The following VKORC1L1 variants were observed in gnomAD, a reference collection of about 807,000 sequenced individuals.
The protein encoded by VKORC1L1 is vitamin K epoxide reductase complex subunit 1L1.
A neutral mutation model predicts 18.9 loss-of-function variants in VKORC1L1; 2 were observed. The ratio of observed to expected loss-of-function variants is 0.11; its 90% CI spans 0.04 to 0.33. The LOEUF (loss-of-function observed/expected upper bound fraction) is 0.33. VKORC1L1 is among the 10% of genes least tolerant of loss of function. The probability of loss-of-function intolerance (pLI) is 1.00; values close to 1 mark genes in which losing one functional copy is unlikely to be tolerated. For synonymous variants in VKORC1L1, 96 were observed against 100.0 expected (o/e 0.96, Z 0.24); for missense variants, 123 against 224.1 (o/e 0.55, Z 2.88).
chr7:65,881,929 A>C (rs998373910), intron 1 of VKORC1L1, among the ~76,000 whole-genome samples: 1 of 151,708 alleles, frequency 6.6e-6, no homozygotes, highest in African/African-American at 2.4e-5. Flanking sequence ...AAAATACAAA[A>C]ATTAGCCGGG....
At chr7:65,914,390 C>T (rs1156910979) in intron 1 of VKORC1L1, among the ~76,000 whole-genome samples, 1 of 152,240 alleles carries the variant, frequency 6.6e-6, no homozygotes. Context: ...GCGTGAGTCA[C>T]TGCACCCAAC....
chr7:65,917,463 G>A (rs1253288509), intron 1 of VKORC1L1, among the ~76,000 whole-genome samples: 2 of 152,176 alleles, frequency 1.3e-5, no homozygotes, highest in African/African-American at 2.4e-5. Flanking sequence ...GGCATTGGAA[G>A]TAACCTGCAG....
At chr7:65,871,075 G>C (rs909323994), upstream of VKORC1L1, among the ~76,000 whole-genome samples, 1 of 152,238 alleles carries the variant, frequency 6.6e-6, no homozygotes, top group African/African-American at 2.4e-5. Flanking sequence ...CACCTGGGCA[G>C]AGCAAGGATG....
At chr7:65,947,944 C>A (rs1790150034) in intron 1 of VKORC1L1, among the ~76,000 whole-genome samples, 3 of 152,184 alleles carry the variant, frequency 2.0e-5, no homozygotes, top group African/African-American at 7.2e-5. Flanking sequence ...TCGCCTCGGC[C>A]TCCCAAGGTG....
rs1159335797 is a variant in VKORC1L1, at chr7:65,954,326, T to G, written c.*26T>G. ...CGCCCGACAGACTCCACCCTAACAG[T>G]CTCAAGCCCCTTTCCATTCAGTTTA... On this transcript the variant is annotated 3_prime_UTR_variant, in exon 3 of 3. Coordinates refer to ENST00000360768, the MANE Select transcript of VKORC1L1 (RefSeq NM_173517.6). 1 of 1,612,746 alleles carries G rather than the reference T, an allele frequency of 6.2e-7. No homozygotes were observed. Among genetic ancestry groups the G allele is most frequent in the Non-Finnish European group, 8.5e-7 (1 of 1,179,532 alleles).
At chr7:65,933,370 G>A (rs895197412) in intron 1 of VKORC1L1, among the ~76,000 whole-genome samples, 7 of 152,028 alleles carry the variant, frequency 4.6e-5, no homozygotes, top group South Asian at 2.1e-4. Context: ...TCCTTTTACC[G>A]TTATATGTCT....
chr7:65,884,226 T>C (rs1445348119), intron 1 of VKORC1L1, among the ~76,000 whole-genome samples: 1 of 152,234 alleles, frequency 6.6e-6, no homozygotes, highest in Non-Finnish European at 1.5e-5. Context: ...ATTGTGACTA[T>C]GAAGTGTACC....
chr7:65,909,679 T>C (rs1307715611), intron 1 of VKORC1L1, among the ~76,000 whole-genome samples: 1 of 149,334 alleles, frequency 6.7e-6, no homozygotes, highest in Non-Finnish European at 1.5e-5. Context: ...TTCTAACTTT[T>C]GTTTTAGCCT....
chr7:65,940,225 A>G (rs1790012342), intron 1 of VKORC1L1, among the ~76,000 whole-genome samples: 1 of 152,058 alleles, frequency 6.6e-6, no homozygotes, highest in South Asian at 2.1e-4. Flanking sequence ...GGGTCTCACC[A>G]TGTTGCCCAG....
chr7:65,921,708 C>T (rs368000749), intron 1 of VKORC1L1, among the ~76,000 whole-genome samples: 61 of 151,902 alleles, frequency 4.0e-4, no homozygotes, highest in African/African-American at 1.2e-3. Flanking sequence ...ATTAGCCGGG[C>T]GTGGTGGCGG....
chr7:65,911,431 A>G (rs1789500929), intron 1 of VKORC1L1, among the ~76,000 whole-genome samples: 1 of 152,166 alleles, frequency 6.6e-6, no homozygotes, highest in African/African-American at 2.4e-5. Flanking sequence ...ACATAACTTG[A>G]TTCTGCCATA....
chr7:65,949,064 CTTATT>C (rs979890872), intron 2 of VKORC1L1, among the ~76,000 whole-genome samples: 4 of 152,102 alleles, frequency 2.6e-5, no homozygotes, highest in African/African-American at 9.7e-5. Context: ...AACGTTTTTC[CTTATT>C]TTATAGACTC....
At chr7:65,865,907 G>A in the VKORC1L1 span, among the ~76,000 whole-genome samples, 1 of 151,758 alleles carries the variant, frequency 6.6e-6, no homozygotes, top group Non-Finnish European at 1.5e-5. Flanking sequence ...GGATCACGAG[G>A]TCAAGAGATC....
intron 1 of VKORC1L1, among the ~76,000 whole-genome samples, chr7:65,914,505 C>T (rs1789554937): frequency 6.6e-6 from 1 of 152,084 alleles, no homozygotes; most frequent in Admixed American, 6.6e-5. Context: ...CCTTTGCAAT[C>T]TTACCTCAAT....
intron 1 of VKORC1L1, among the ~76,000 whole-genome samples, chr7:65,947,518 CAA>C (rs1790141561): frequency 6.7e-6 from 1 of 149,430 alleles, no homozygotes; most frequent in African/African-American, 2.5e-5. Context: ...ATATTTGTAT[CAA>C]GTTTTATCAA....
At chr7:65,880,273 T>C (rs931342325) in intron 1 of VKORC1L1, among the ~76,000 whole-genome samples, 1 of 152,322 alleles carries the variant, frequency 6.6e-6, no homozygotes, top group African/African-American at 2.4e-5. Context: ...GACAAAAATA[T>C]ATAGAGTTTG....
Position 65,957,962 on chromosome 7 carries a change from A to G in VKORC1L1, c.*3662A>G, listed in dbSNP as rs984322350. The stretch of plus-strand genomic sequence containing the variant: ...AACTTAGATTGGTACCAAGAGTGAC[A>G]GGAGATCTTGTCTTGGAAGATCATT... On this transcript the variant is annotated 3_prime_UTR_variant, in exon 3 of 3. Coordinates refer to ENST00000360768, the MANE Select transcript of VKORC1L1 (RefSeq NM_173517.6). The G allele has an allele frequency of 6.6e-6, 1 of 152,262 alleles. No individual in the cohort carries two copies. The allele number at this position is 152,262 out of a possible 1,614,324, so 9.4% of individuals were successfully genotyped here.
intron 2 of VKORC1L1, among the ~76,000 whole-genome samples, chr7:65,952,617 T>C (rs560716004): frequency 6.6e-6 from 1 of 152,200 alleles, no homozygotes. Context: ...CCTGTTTCTG[T>C]TATCCTTATC....
intron 1 of VKORC1L1, among the ~76,000 whole-genome samples, chr7:65,934,278 A>C (rs1041670710): frequency 1.3e-5 from 2 of 152,172 alleles, no homozygotes; most frequent in Admixed American, 1.3e-4. Context: ...ATAATTGTAT[A>C]TATTTATGGA....
Sources: gnomAD v4.1 joint callset for allele counts (sites outside exome capture counted in the v4.1 genomes callset) on GRCh38, gnomAD v4.1.1 for gene constraint, MANE v1.5 for transcripts, NCBI Gene and HGNC (gene_info 2026-07-23, HGNC 2026-07-21) for gene names.